The following PCDHA3 variants were observed in gnomAD, a reference collection of about 807,000 sequenced individuals.
PCDHA3 encodes the protein protocadherin alpha 3.
Under a neutral mutation model 62.2 loss-of-function variants are expected in PCDHA3, and 41 were observed. That is an observed-to-expected ratio of 0.66 (90% CI 0.51 to 0.86). The LOEUF is 0.86. Ranked by LOEUF, PCDHA3 falls within the 40% of genes least tolerant of loss-of-function variation. The pLI is 0.00. For missense variants in PCDHA3, 1,304 were observed against 1,241.2 expected (o/e 1.05, Z -0.76); for synonymous variants, 640 against 555.4 (o/e 1.15, Z -2.14).
rs2150102424 is a variant in PCDHA3 at position 140,818,806 on chromosome 5, G to A, written c.2394+15215G>A. 4.6e-5 allele frequency among the ~76,000 whole-genome samples: 7 copies of A among 152,310 alleles called. No individual in the cohort carries two copies. In the East Asian group the frequency reaches 7.7e-4, roughly 17 times the overall value. On this transcript the variant is annotated intron_variant, in intron 1 of 3. Transcript: ENST00000522353. Reference sequence around the variant, plus strand: ...GACTGTACCACTGCACTCCAGCCTCGGTCAGAGTGAGACTCTTTGTCACCC... The same window carrying A: ...GACTGTACCACTGCACTCCAGCCTCAGTCAGAGTGAGACTCTTTGTCACCC...
chr5:140,877,206 C>T (rs782807049), intron 1 of PCDHA3: 3 of 1,613,650 alleles, frequency 1.9e-6, no homozygotes, highest in African/African-American at 2.7e-5. Flanking sequence ...GCGCAGTTAG[C>T]GAGTTGGTAC....
At chr5:140,899,402 G>C (rs1465071147) in intron 1 of PCDHA3, among the ~76,000 whole-genome samples, 20 of 152,122 alleles carry the variant, frequency 1.3e-4, no homozygotes, top group East Asian at 7.7e-4. Flanking sequence ...TAGCATGAAG[G>C]GTTGTTGAAT....
intron 1 of PCDHA3, chr5:140,809,314 C>G (rs1333425784): frequency 2.5e-6 from 4 of 1,613,982 alleles, no homozygotes; most frequent in African/African-American, 2.7e-5. Context: ...CGGTGTCCAG[C>G]CTTTTGGTGC....
rs528377796 is a variant in PCDHA3, at chr5:140,957,777, T to G, written c.2395-21172T>G. The stretch of plus-strand genomic sequence containing the variant: ...TTCATTATATATGTTAAGTAAAAAC[T>G]AAGTTCATCATATATGTTAAGTAAA... On this transcript the variant is annotated intron_variant, in intron 1 of 3. Coordinates refer to ENST00000522353, the MANE Select transcript of PCDHA3 (RefSeq NM_018906.3). 8.5e-5 allele frequency among the ~76,000 whole-genome samples: 13 copies of G among 152,182 alleles called. No individual in the cohort carries two copies. The South Asian group carries it at 1.7e-3, about 19-fold the overall frequency.
chr5:140,898,913 G>T (rs1554188302), intron 1 of PCDHA3, among the ~76,000 whole-genome samples: 1 of 152,066 alleles, frequency 6.6e-6, no homozygotes, highest in Non-Finnish European at 1.5e-5. Context: ...CACGTCCCTT[G>T]TAAGTTGGAT....
intron 1 of PCDHA3, chr5:140,928,126 C>T (rs782461261): frequency 1.2e-6 from 2 of 1,614,176 alleles, no homozygotes; most frequent in Non-Finnish European, 1.7e-6. Context: ...CAGTGAATAC[C>T]AAGTCCTGAT....
At chr5:140,884,487 T>G (rs374963144) in intron 1 of PCDHA3, 3 of 1,613,832 alleles carry the variant, frequency 1.9e-6, no homozygotes, top group Non-Finnish European at 1.7e-6. Flanking sequence ...CCCACTCTAG[T>G]GTGCTCCAGC....
At chr5:140,812,436 A>G (rs1357466680) in intron 1 of PCDHA3, 2 of 152,114 alleles carry the variant, frequency 1.3e-5, no homozygotes, top group African/African-American at 4.8e-5. Context: ...AAATCAACTA[A>G]GTTTAAAAAC....
chr5:140,941,227 C>CTT (rs797022976), intron 1 of PCDHA3, among the ~76,000 whole-genome samples: 1 of 136,000 alleles, frequency 7.4e-6, no homozygotes, highest in African/African-American at 2.8e-5. Context: ...TTCTTTCTTT[C>CTT]TTTCTTTCTT....
chr5:140,869,284 C>T, intron 1 of PCDHA3: 1 of 1,613,582 alleles, frequency 6.2e-7, no homozygotes, highest in Non-Finnish European at 8.5e-7. Flanking sequence ...GGAGCTGGTG[C>T]AGCGCCTGTT....
chr5:140,883,695 C>T, intron 1 of PCDHA3: 2 of 1,613,804 alleles, frequency 1.2e-6, no homozygotes, highest in Non-Finnish European at 1.7e-6. Context: ...CACATCTTCA[C>T]GGTGTCTGCT....
At chr5:140,952,721 G>A (rs781821007) in intron 1 of PCDHA3, among the ~76,000 whole-genome samples, 1 of 152,100 alleles carries the variant, frequency 6.6e-6, no homozygotes, top group Non-Finnish European at 1.5e-5. Context: ...TCAATTTTCT[G>A]TACTAGTCTT....
Position 141,010,653 on chromosome 5 carries a change from A to G in PCDHA3, c.*716A>G. On this transcript the variant is annotated 3_prime_UTR_variant, in exon 4 of 4. Transcript: ENST00000522353. ...TGCAAGCCAACAGTTCAGTGTTTTA[A>G]CAGAGAACCACCCTGGGAAACAGAA... 5.9e-6 allele frequency: 1 copy of G among 170,180 alleles called. No individual in the cohort carries two copies. The highest frequency in any genetic ancestry group is 1.3e-5 in the Non-Finnish European group (1 of 78,244). 10.5% of individuals were successfully genotyped at this position (170,180 alleles called of 1,614,324 possible). A position where few individuals can be genotyped will look rare whatever the true frequency, so the allele number is the denominator to read the frequency against.
intron 1 of PCDHA3, among the ~76,000 whole-genome samples, chr5:140,977,672 A>G (rs1404527905): frequency 6.6e-6 from 1 of 152,202 alleles, no homozygotes; most frequent in East Asian, 1.9e-4. Flanking sequence ...TGCATGCCAA[A>G]TATCATGTAG....
At chr5:140,982,074 T>TAGAGAACCTAGGAACA (rs1554243726) in intron 2 of PCDHA3, among the ~76,000 whole-genome samples, 1 of 151,090 alleles carries the variant, frequency 6.6e-6, no homozygotes, top group Non-Finnish European at 1.5e-5. Flanking sequence ...TTCTTTAGAG[T>TAGAGAACCTAGGAACA]AGAGAACCTA....
intron 2 of PCDHA3, 86 bp from the exon 3 acceptor site, chr5:140,982,389 T>C: frequency 1.3e-6 from 2 of 1,593,476 alleles, no homozygotes; most frequent in South Asian, 1.1e-5. Context: ...CCTGGCTTCA[T>C]AGTTGTAAGC....
At chr5:140,897,340 C>G (rs1326802877) in intron 1 of PCDHA3, among the ~76,000 whole-genome samples, 1 of 122,842 alleles carries the variant, frequency 8.1e-6, no homozygotes, top group African/African-American at 3.1e-5. Flanking sequence ...CCCCTCCCCC[C>G]ACCCCACAAC....
intron 3 of PCDHA3, among the ~76,000 whole-genome samples, chr5:140,985,803 G>T (rs536777034): frequency 2.9e-5 from 4 of 139,766 alleles, no homozygotes; most frequent in Non-Finnish European, 6.0e-5. Context: ...GCAGTGGCAC[G>T]ATCTCAGCTC....
At chr5:140,846,874 G>A (rs1315132744) in intron 1 of PCDHA3, among the ~76,000 whole-genome samples, 2 of 149,594 alleles carry the variant, frequency 1.3e-5, no homozygotes, top group Admixed American at 6.7e-5. Flanking sequence ...AGGTACAAGA[G>A]GTAAATCAGA....
Sources: gnomAD v4.1 joint callset for allele counts (sites outside exome capture counted in the v4.1 genomes callset) on GRCh38, gnomAD v4.1.1 for gene constraint, MANE v1.5 for transcripts, NCBI Gene and HGNC (gene_info 2026-07-23, HGNC 2026-07-21) for gene names.